The following CMYA5 variants were observed in gnomAD, a reference collection of about 807,000 sequenced individuals.
CMYA5 encodes cardiomyopathy associated 5.
CMYA5 carries 246 observed loss-of-function variants against 318.9 expected under a neutral mutation model. That is an observed-to-expected ratio of 0.77 (90% CI 0.70 to 0.86). The LOEUF (loss-of-function observed/expected upper bound fraction) is 0.86. Ranked by LOEUF, CMYA5 falls within the 40% of genes least tolerant of loss-of-function variation. The pLI is 0.00. For missense variants in CMYA5, 4,589 were observed against 4,678.2 expected, an observed-to-expected ratio of 0.98 and a Z score of 0.56; for synonymous variants, 1,641 against 1,729.5, an observed-to-expected ratio of 0.95 and a Z score of 1.27.
At chr5:79,740,721 T>A (rs1347303616) in intron 2 of CMYA5, among the ~76,000 whole-genome samples, 1 of 152,174 alleles carries the variant, frequency 6.6e-6, no homozygotes, top group Non-Finnish European at 1.5e-5. Flanking sequence ...TCTTTGAGAC[T>A]CTCCTCTACC....
chr5:79,752,239 T>G (rs1427323012), intron 5 of CMYA5, among the ~76,000 whole-genome samples: 2 of 152,176 alleles, frequency 1.3e-5, no homozygotes, highest in Non-Finnish European at 1.5e-5. Flanking sequence ...ATATCGAGGT[T>G]TGAGAACAAG....
chr5:79,762,365 C>A, intron 8 of CMYA5: 1 of 161,282 alleles, frequency 6.2e-6, no homozygotes, highest in Non-Finnish European at 1.4e-5. Flanking sequence ...TGAGCAGAGG[C>A]ATCAAGGCAA....
At chr5:79,778,840 T>TGTG (rs1453105123) in intron 9 of CMYA5, among the ~76,000 whole-genome samples, 4 of 122,102 alleles carry the variant, frequency 3.3e-5, no homozygotes, top group East Asian at 3.9e-4. Flanking sequence ...TGTGTGTATG[T>TGTG]TTATTCACTC....
At position 79,738,802 on chromosome 5, in the gene CMYA5, A is replaced by G. The variant is rs530845335; in HGVS notation, c.10037A>G (p.His3346Arg). The G allele has an allele frequency of 2.4e-5, 38 of 1,613,798 alleles. No individual in the cohort carries two copies. Among genetic ancestry groups the G allele is most frequent in the East Asian group, 1.1e-4 (5 of 44,882 alleles). Reference protein sequence around the residue: ...ISYAVPFEDTHHVLERADEAG... With the variant: ...ISYAVPFEDTRHVLERADEAG... ...TATGCGGTTCCATTTGAAGACACCC[A>G]TCATGTTCTGGAGCGTGCAGATGAA... Residue 3346 changes from histidine to arginine, a missense_variant, in exon 2 of 13, where the codon CAT (histidine) becomes CGT (arginine). His to Arg is a conservative substitution (Grantham distance 29). Coordinates refer to ENST00000446378, the MANE Select transcript of CMYA5 (RefSeq NM_153610.5).
intron 1 of CMYA5, among the ~76,000 whole-genome samples, chr5:79,704,718 A>G (rs1217204446): frequency 6.6e-6 from 1 of 152,052 alleles, no homozygotes; most frequent in Non-Finnish European, 1.5e-5. Context: ...AAAGAGGGAG[A>G]GAGAGAGAAA....
chr5:79,689,862 C>T lies in CMYA5; in HGVS notation c.-46C>T. 1 of 653,576 alleles carries T rather than the reference C, an allele frequency of 1.5e-6. No individual in the cohort carries two copies. Among genetic ancestry groups the T allele is most frequent in the Non-Finnish European group, 2.8e-6 (1 of 363,468 alleles). 40.5% of individuals were successfully genotyped at this position (653,576 alleles called of 1,614,324 possible). A position where few individuals can be genotyped will look rare whatever the true frequency, so the allele number is the denominator to read the frequency against. ...GTCGGAGGGAGAACACCAGGCGCGG[C>T]GCGGGCGGCTCCGGCTCCGGCCCCG... On this transcript the variant is annotated 5_prime_UTR_variant, in exon 1 of 13. Coordinates refer to ENST00000446378, the MANE Select transcript of CMYA5 (RefSeq NM_153610.5).
At chr5:79,751,443 C>T (rs1828429141) in intron 5 of CMYA5, among the ~76,000 whole-genome samples, 1 of 152,174 alleles carries the variant, frequency 6.6e-6, no homozygotes, top group African/African-American at 2.4e-5. Flanking sequence ...ATGTTACCTC[C>T]TCTTTGAAGC....
intron 1 of CMYA5, among the ~76,000 whole-genome samples, chr5:79,691,644 G>A (rs1826972605): frequency 6.6e-6 from 1 of 152,176 alleles, no homozygotes; most frequent in Admixed American, 6.5e-5. Flanking sequence ...GGATGACAAG[G>A]GTAACAGGAA....
intron 1 of CMYA5, among the ~76,000 whole-genome samples, chr5:79,702,001 C>A (rs1827182650): frequency 1.3e-5 from 2 of 152,026 alleles, no homozygotes. Flanking sequence ...GTGGCGGGCG[C>A]CTGTAGGCAG....
rs1828003881 is a variant in CMYA5 at position 79,734,480 on chromosome 5, A to G, written c.5715A>G (p.Gln1905=). The part of the protein sequence containing the change: ...MLGKPENVAS[Q]HEQRIAGSVQ... ...GAAAGCCAGAAAATGTGGCTAGTCA[A>G]CACGAACAGAGAATAGCAGGATCTG... Residue 1905 remains glutamine, a synonymous_variant, in exon 2 of 13, where the codon CAA becomes CAG. Transcript: ENST00000446378. The G allele has an allele frequency of 1.2e-6, 2 of 1,613,718 alleles. No individual in the cohort carries two copies. Among genetic ancestry groups the G allele is most frequent in the South Asian group, 2.2e-5 (2 of 91,048 alleles).
At chr5:79,757,306 A>T (rs1001231305) in intron 6 of CMYA5, among the ~76,000 whole-genome samples, 6 of 152,100 alleles carry the variant, frequency 3.9e-5, no homozygotes, top group Non-Finnish European at 8.8e-5. Flanking sequence ...GGAGAATTGC[A>T]TAGAAGTTTG....
In CMYA5 at chr5:79,745,247, G is replaced by A. The variant is rs1256736285; in HGVS notation, c.10760G>A (p.Arg3587Lys). 3 of 1,593,344 alleles carry A rather than the reference G, an allele frequency of 1.9e-6. No homozygotes were observed. Among genetic ancestry groups the A allele is most frequent in the Non-Finnish European group, 2.6e-6 (3 of 1,169,042 alleles). ...IEENCSKNEK[R>K]LEEQNEEMMK... is the part of the protein sequence containing the mutation. ...GAAAACTGTAGTAAAAATGAGAAAA[G>A]GCTAGAAGAACAGAATGAGGAAATG... Residue 3587 changes from arginine (R) to lysine (K), a missense_variant, in exon 4 of 13, where the codon AGG becomes AAG. Physicochemically the swap from Arg to Lys is conservative, Grantham distance 26. Around this residue, in one of 3 missense-constraint regions of CMYA5, gnomAD observed 2,431 missense variants for 2,495.1 expected, o/e 0.97. Transcript: ENST00000446378.
Position 79,711,356 on chromosome 5 carries a change from C to T in CMYA5, c.150-17559C>T, listed in dbSNP as rs140112272. 5.4e-4 allele frequency among the ~76,000 whole-genome samples: 82 copies of T among 152,294 alleles called. No homozygotes were observed. The East Asian group carries it at 0.016, about 29-fold the overall frequency. On this transcript the variant is annotated intron_variant, in intron 1 of 12. Coordinates refer to ENST00000446378, the MANE Select transcript of CMYA5 (RefSeq NM_153610.5). ...GGGATCAGGCACCCCTGCCACCAAC[C>T]GTACCTGGCAGAATTTGTCTAAAGT...
chr5:79,691,613 G>C (rs1826972056), intron 1 of CMYA5, among the ~76,000 whole-genome samples: 1 of 152,174 alleles, frequency 6.6e-6, no homozygotes. Flanking sequence ...CCTGGAAAAA[G>C]CATCCAATTT....
chr5:79,736,265 T>C lies in CMYA5; in HGVS notation c.7500T>C (p.Ser2500=). ...EIGKTQITLG[S]RSTELKESKA... ...GGAAGACACAAATTACACTTGGATC[T>C]AGATCTACTGAACTGAAAGAATCAA... is the stretch of plus-strand genomic sequence containing the variant. Residue 2500 remains serine (S), a synonymous_variant, in exon 2 of 13, where the codon TCT becomes TCC. Transcript: ENST00000446378. 1 of 1,613,396 alleles carries C rather than the reference T, an allele frequency of 6.2e-7. No homozygotes were observed. Among genetic ancestry groups the C allele is most frequent in the Non-Finnish European group, 8.5e-7 (1 of 1,179,714 alleles).
At chr5:79,726,171 G>T (rs1239783510) in intron 1 of CMYA5, among the ~76,000 whole-genome samples, 2 of 152,166 alleles carry the variant, frequency 1.3e-5, no homozygotes, top group African/African-American at 4.8e-5. Context: ...CAGCACTCAT[G>T]AACTCATTCT....
At chr5:79,722,356 A>T (rs1196088984) in intron 1 of CMYA5, among the ~76,000 whole-genome samples, 2 of 152,168 alleles carry the variant, frequency 1.3e-5, no homozygotes. Flanking sequence ...TGTTAGAAAA[A>T]GGGACAGTTT....
At position 79,733,290 on chromosome 5, in the gene CMYA5, G is replaced by C; in HGVS notation, c.4525G>C (p.Val1509Leu). 1 of 1,613,670 alleles carries C rather than the reference G, an allele frequency of 6.2e-7. No individual in the cohort carries two copies. The change falls in exon 2 of 13, where the codon GTT becomes CTT. Residue 1509 changes from valine to leucine, a missense_variant. This residue lies in a region of CMYA5 where 2,132 missense variants were observed against 2,131.3 expected (regional missense o/e 1.00). Transcript: ENST00000446378. Reference protein sequence around the residue: ...FSTVCDSERLVSSQKKSLMST... With the variant: ...FSTVCDSERLLSSQKKSLMST... ...TACAGTCTGTGACTCTGAACGTTTG[G>C]TTTCATCACAGAAGAAGAGCTTGAT...
In CMYA5 at chr5:79,735,413, G is replaced by C. The variant is rs943471518; in HGVS notation, c.6648G>C (p.Val2216=). The C allele has an allele frequency of 2.5e-6, 4 of 1,613,788 alleles. No individual in the cohort carries two copies. In the African/African-American group the frequency reaches 5.3e-5, roughly 22 times the overall value. ...CATCCGTAGAAAAAGCAGTGACTGT[G>C]ATAGATCCTGAAGGTACAATTCCCA... The part of the protein sequence containing the change: ...PSPSVEKAVT[V]IDPEGTIPTN... The change falls in exon 2 of 13, where the codon GTG becomes GTC. Residue 2216 remains valine, a synonymous_variant. Transcript: ENST00000446378.
Sources: gnomAD v4.1 joint callset for allele counts (sites outside exome capture counted in the v4.1 genomes callset) on GRCh38, gnomAD v4.1.1 for gene constraint, gnomAD v4.1.1 regional missense constraint, MANE v1.5 for transcripts, NCBI Gene and HGNC (gene_info 2026-07-23, HGNC 2026-07-21) for gene names.